PKD1L1: variants seen among roughly 807,000 people sequenced by gnomAD.
PKD1L1 encodes the protein polycystin-1-like protein 1.
In PKD1L1, 236 loss-of-function variants were observed where a neutral mutation model predicts 323.4. The ratio of observed to expected loss-of-function variants is 0.73; its 90% confidence interval spans 0.66 to 0.81. The LOEUF (loss-of-function observed/expected upper bound fraction) is 0.81, where lower values mean the gene tolerates loss of function less well. Ranked by LOEUF, PKD1L1 falls within the 40% of genes least tolerant of loss-of-function variation. PKD1L1 has a pLI of 0.00. For missense variants in PKD1L1, 3,320 were observed against 3,508.0 expected, an observed-to-expected ratio of 0.95 and a Z score of 1.35; for synonymous variants, 1,344 against 1,335.0, an observed-to-expected ratio of 1.01 and a Z score of -0.15.
chr7:47,959,313 T>G, the PKD1L1 span, among the ~76,000 whole-genome samples: 1 of 145,822 alleles, frequency 6.9e-6, no homozygotes, highest in African/African-American at 2.6e-5. Flanking sequence ...CCCCTCTGCC[T>G]GGCTACCCAG....
intron 41 of PKD1L1, among the ~76,000 whole-genome samples, chr7:47,831,728 C>T (rs1007823742): frequency 6.6e-6 from 1 of 152,182 alleles, no homozygotes; most frequent in African/African-American, 2.4e-5. Context: ...CTTGCTGTGC[C>T]CTCAGAAGGC....
intron 12 of PKD1L1, 114 bp from the exon 13 acceptor site, chr7:47,902,625 A>G: frequency 7.8e-7 from 1 of 1,274,318 alleles, no homozygotes; most frequent in Admixed American, 2.2e-5. Context: ...ACAGCAAGTC[A>G]TCCCATGAAT....
At chr7:47,866,636 T>A in intron 24 of PKD1L1, 22 bp from the exon 25 acceptor site, 1 of 1,566,936 alleles carries the variant, frequency 6.4e-7, no homozygotes, top group Non-Finnish European at 8.7e-7. Context: ...ACAAGAGTTA[T>A]CATTACTGTT....
chr7:47,940,417 G>A, intron 2 of PKD1L1, 100 bp from the exon 3 acceptor site: 3 of 1,241,826 alleles, frequency 2.4e-6, no homozygotes, highest in Non-Finnish European at 3.3e-6. Flanking sequence ...TAAGGTCAAA[G>A]CCACCTGGGC....
intron 33 of PKD1L1, among the ~76,000 whole-genome samples, chr7:47,844,730 A>G (rs1276590809): frequency 6.6e-6 from 1 of 152,198 alleles, no homozygotes; most frequent in African/African-American, 2.4e-5. Flanking sequence ...CTAAAACTAA[A>G]CTTAAAAGTA....
rs770293772 is a variant in PKD1L1 at position 47,835,124 on chromosome 7, C to T, written c.6054+9G>A. 30 of 1,600,730 alleles carry T rather than the reference C, an allele frequency of 1.9e-5. No individual in the cohort carries two copies. Among genetic ancestry groups the T allele is most frequent in the Admixed American group, 8.6e-5 (5 of 57,830 alleles). On this transcript the variant is annotated intron_variant, in intron 38 of 56. Transcript: ENST00000289672. ...GGAGAACAGGGCCATGAGGACAAGT[C>T]GCAGGTACCTTGCTGAGCCTGAAGA...
intron 3 of PKD1L1, among the ~76,000 whole-genome samples, chr7:47,937,358 T>C (rs970968192): frequency 1.3e-5 from 2 of 151,782 alleles, no homozygotes; most frequent in African/African-American, 4.8e-5. Context: ...AATGCAGAGC[T>C]ATGCCGAAGG....
intron 4 of PKD1L1, among the ~76,000 whole-genome samples, chr7:47,935,797 A>C (rs1410068590): frequency 6.6e-6 from 1 of 152,242 alleles, no homozygotes; most frequent in Non-Finnish European, 1.5e-5. Context: ...GCAGCAAATC[A>C]AGAGTAAAGA....
intron 12 of PKD1L1, among the ~76,000 whole-genome samples, chr7:47,904,121 A>G (rs79132016): frequency 0.014 from 2,136 of 152,260 alleles, 44 homozygotes; most frequent in African/African-American, 0.049. Flanking sequence ...CACTTTCAGT[A>G]AGCCATCCCC....
chr7:47,808,041 C>A (rs1784817306), intron 52 of PKD1L1, among the ~76,000 whole-genome samples: 1 of 152,182 alleles, frequency 6.6e-6, no homozygotes, highest in Admixed American at 6.5e-5. Flanking sequence ...CACGCAGAAT[C>A]CACATACCCC....
intron 45 of PKD1L1, 133 bp downstream of exon 45, chr7:47,827,217 C>G: frequency 1.4e-6 from 1 of 731,994 alleles, no homozygotes; most frequent in South Asian, 2.3e-5. Flanking sequence ...CTGGGGACAG[C>G]AAGGTGGTCC....
chr7:47,880,013 A>G (rs1276732901), intron 21 of PKD1L1, among the ~76,000 whole-genome samples: 1 of 151,438 alleles, frequency 6.6e-6, no homozygotes, highest in Non-Finnish European at 1.5e-5. Context: ...ATGGGGGAAA[A>G]TGTCTAGAAG....
intron 7 of PKD1L1, among the ~76,000 whole-genome samples, chr7:47,919,697 CA>C (rs1275009517): frequency 6.6e-6 from 1 of 152,142 alleles, no homozygotes; most frequent in Non-Finnish European, 1.5e-5. Flanking sequence ...ACGAGGGATG[CA>C]GGTATGGTTT....
intron 21 of PKD1L1, among the ~76,000 whole-genome samples, chr7:47,879,620 A>G (rs1786487291): frequency 7.8e-6 from 1 of 127,728 alleles, no homozygotes; most frequent in Non-Finnish European, 1.7e-5. Flanking sequence ...GCAACAGAGC[A>G]AGACTTTGTC....
chr7:47,831,194 G>A (rs923134886), intron 42 of PKD1L1, 23 bp downstream of exon 42: 2 of 1,602,898 alleles, frequency 1.2e-6, no homozygotes, highest in African/African-American at 2.7e-5. Context: ...ACCTGAGGAT[G>A]TTTGAAAAAC....
At chr7:47,829,843 C>T (rs1041603067) in intron 43 of PKD1L1, among the ~76,000 whole-genome samples, 197 bp downstream of exon 43, 1 of 152,194 alleles carries the variant, frequency 6.6e-6, no homozygotes, top group African/African-American at 2.4e-5. Context: ...GTACCCTCCT[C>T]AAAGATTTTT....
chr7:47,899,766 C>T (rs991714136), intron 13 of PKD1L1, among the ~76,000 whole-genome samples: 9 of 152,038 alleles, frequency 5.9e-5, no homozygotes. Flanking sequence ...ACCATCCTGG[C>T]TAACACGGTG....
chr7:47,853,201 T>G lies in PKD1L1; in HGVS notation c.4886A>C (p.Asp1629Ala), dbSNP rs200937926. 1 of 1,612,832 alleles carries G rather than the reference T, an allele frequency of 6.2e-7. No homozygotes were observed. The highest frequency in any genetic ancestry group is 1.3e-5 in the African/African-American group (1 of 74,968). ...GAAGTAGATCTGCTTCACAAGAAAA[T>G]CAGAGGGAGTAGGTTTCTCAGAGAA... The part of the protein sequence containing the change: ...VRFSEKPTPS[D>A]FLVKQIYFWD... The change falls in exon 31 of 57, where the codon GAT becomes GCT. Residue 1629 changes from aspartate (D) to alanine (A), a missense_variant. Transcript: ENST00000289672.
At chr7:47,823,769 A>G (rs191773209) in intron 45 of PKD1L1, among the ~76,000 whole-genome samples, 130 of 152,340 alleles carry the variant, frequency 8.5e-4, no homozygotes, top group African/African-American at 2.8e-3. Context: ...ATTAGCTGGA[A>G]TTCCTCTCTA....
Sources: allele counts gnomAD v4.1 joint callset (sites outside exome capture counted in the v4.1 genomes callset), GRCh38; gene constraint gnomAD v4.1.1; transcripts MANE v1.5; gene names NCBI Gene and HGNC (gene_info 2026-07-23, HGNC 2026-07-21).